CTTN: variants seen among roughly 807,000 people sequenced by gnomAD.
CTTN encodes the protein cortactin, also known as src substrate cortactin.
Under a neutral mutation model 84.0 loss-of-function variants are expected in CTTN, and 28 were observed. The observed-to-expected ratio is 0.33, with a 90% CI of 0.25 to 0.46. The LOEUF is 0.46. Ranked by LOEUF, CTTN falls within the 20% of genes least tolerant of loss-of-function variation. CTTN has a pLI of 1.00. For synonymous variants in CTTN, 301 were observed against 288.8 expected (o/e 1.04, Z -0.43); for missense variants, 641 against 723.8 (o/e 0.89, Z 1.31).
intron 13 of CTTN, among the ~76,000 whole-genome samples, chr11:70,426,760 T>G (rs1003857381): frequency 2.6e-5 from 4 of 151,660 alleles, no homozygotes; most frequent in Non-Finnish European, 2.9e-5. Context: ...GGCTAATTTT[T>G]TTGTTGTTGT....
intron 6 of CTTN, 144 bp from the exon 7 acceptor site, chr11:70,415,519 C>G: frequency 1.3e-6 from 1 of 782,444 alleles, no homozygotes; most frequent in South Asian, 1.6e-5. Flanking sequence ...TCACTGCCAC[C>G]TGCACCTGGC....
Position 70,435,534 on chromosome 11 carries a change from C to CA in CTTN, c.*373dup, listed in dbSNP as rs779635477. ...CCCATCAAGTGCAGTCGGGACCTCC[C>CA]AGGACAAGCACGAGGCCTCAGGTCG... On this transcript the variant is annotated 3_prime_UTR_variant, in exon 18 of 18. Coordinates refer to ENST00000301843, the MANE Select transcript of CTTN (RefSeq NM_005231.4). 9 of 1,565,770 alleles carry CA rather than the reference C, an allele frequency of 5.7e-6. No individual in the cohort carries two copies. In the Admixed American group the frequency reaches 1.6e-4, roughly 29 times the overall value.
At chr11:70,417,935 T>A (rs2058183023) in intron 8 of CTTN, among the ~76,000 whole-genome samples, 1 of 152,214 alleles carries the variant, frequency 6.6e-6, no homozygotes, top group Non-Finnish European at 1.5e-5. Context: ...CAAGTTGTCC[T>A]TGGAGGCTGT....
At position 70,407,526 on chromosome 11, in the gene CTTN, G is replaced by A; in HGVS notation, c.96G>A (p.Val32=). Residue 32 remains valine, a synonymous_variant, in exon 4 of 18, where the codon GTG becomes GTA. Transcript: ENST00000301843. ...GTCGCTTTTCTTTTCAGAATGATGT[G>A]AGTGAGAAGGAGCAAAGATGGGGTG... ...WETDPDFVND[V]SEKEQRWGAK... 1 of 1,613,338 alleles carries A rather than the reference G, an allele frequency of 6.2e-7. No individual in the cohort carries two copies. The highest frequency in any genetic ancestry group is 8.5e-7 in the Non-Finnish European group (1 of 1,179,608).
At position 70,429,148 on chromosome 11, in the gene CTTN, G is replaced by C. The variant is rs1436952623; in HGVS notation, c.1125G>C (p.Gln375His). Residue 375 changes from glutamine to histidine, a missense_variant, in exon 14 of 18, where the codon CAG becomes CAC. Gln to His is a conservative substitution (Grantham distance 24). Transcript: ENST00000301843. The part of the protein sequence containing the change: ...DRRKAEAERA[Q>H]RMAKERQEQE... Reference sequence around the variant, plus strand: ...GGAAGGCGGAGGCGGAGAGAGCCCAGCGGATGGCCAAGGAGCGGCAGGAGC... The same window carrying C: ...GGAAGGCGGAGGCGGAGAGAGCCCACCGGATGGCCAAGGAGCGGCAGGAGC... 2.5e-6 allele frequency: 4 copies of C among 1,614,042 alleles called. No homozygotes were observed. Among genetic ancestry groups the C allele is most frequent in the Non-Finnish European group, 3.4e-6 (4 of 1,180,038 alleles).
chr11:70,410,221 G>GA, intron 5 of CTTN: 1 of 397,436 alleles, frequency 2.5e-6, no homozygotes, highest in Non-Finnish European at 4.6e-6. Flanking sequence ...TTGGCCCTCA[G>GA]AGGCAGCCTT....
At chr11:70,407,264 A>C (rs548422733) in intron 2 of CTTN, 34 bp from the exon 3 acceptor site, 7 of 1,539,354 alleles carry the variant, frequency 4.5e-6, no homozygotes, top group Non-Finnish European at 6.2e-6. Context: ...TGGCGCCCTG[A>C]GGCCTCCGTA....
intron 11 of CTTN, chr11:70,422,384 T>A (rs1312667511): frequency 1.5e-6 from 1 of 654,506 alleles, no homozygotes; most frequent in Non-Finnish European, 2.4e-6. Flanking sequence ...TGCATGGAGA[T>A]GGCAGTGGCT....
intron 1 of CTTN, among the ~76,000 whole-genome samples, chr11:70,398,996 G>A (rs1370704878): frequency 7.3e-5 from 11 of 150,822 alleles, no homozygotes; most frequent in Non-Finnish European, 1.3e-4. Flanking sequence ...GGCTGGGAGG[G>A]GTCTTGGGTC....
intron 3 of CTTN, 64 bp from the exon 4 acceptor site, chr11:70,407,453 TG>T: frequency 3.1e-6 from 5 of 1,612,292 alleles, no homozygotes; most frequent in Non-Finnish European, 4.2e-6. Flanking sequence ...TTTTCTTTGA[TG>T]GGGTGGTGGT....
At chr11:70,431,410 C>CCCCTCTCCGGGCGTGGAAT in intron 15 of CTTN, 130 bp downstream of exon 15, 2 of 964,100 alleles carry the variant, frequency 2.1e-6, no homozygotes, top group Non-Finnish European at 3.2e-6. Flanking sequence ...CTGCATTCCA[C>CCCCTCTCCGGGCGTGGAAT]GCCCGGAGAG....
chr11:70,435,425 T>TTTTTTTTTTTTTTTTTTTTTA lies in CTTN; in HGVS notation c.*272_*273insTTTTTTTTTTTATTTTTTTTT. ...GGTAATTGGTTTTATGCATTGATGG[T>TTTTTTTTTTTTTTTTTTTTTA]TTTTTTTTTCTTTTTTGCCAAATTG... On this transcript the variant is annotated 3_prime_UTR_variant, in exon 18 of 18. Coordinates refer to ENST00000301843, the MANE Select transcript of CTTN (RefSeq NM_005231.4). The TTTTTTTTTTTTTTTTTTTTTA allele has an allele frequency of 6.8e-7, 1 of 1,459,966 alleles. No individual in the cohort carries two copies. The highest frequency in any genetic ancestry group is 9.1e-7 in the Non-Finnish European group (1 of 1,102,746). The allele number at this position is 1,459,966 out of a possible 1,614,324, so 90.4% of individuals were successfully genotyped here. A position where few individuals can be genotyped will look rare whatever the true frequency, so the allele number is the denominator to read the frequency against.
At chr11:70,414,214 G>A (rs962102760) in intron 5 of CTTN, among the ~76,000 whole-genome samples, 3 of 152,084 alleles carry the variant, frequency 2.0e-5, no homozygotes, top group South Asian at 2.1e-4. Context: ...GCATGGTGGC[G>A]GGTGCCTATA....
intron 6 of CTTN, 127 bp from the exon 7 acceptor site, chr11:70,415,536 A>G: frequency 1.1e-6 from 1 of 883,634 alleles, no homozygotes; most frequent in South Asian, 1.4e-5. Context: ...TGGCTTAGGA[A>G]CCCAGAGGTC....
At position 70,417,114 on chromosome 11, in the gene CTTN, TCA is replaced by T; in HGVS notation, c.562_563del (p.Gln188GlufsTer20). The stretch of plus-strand genomic sequence containing the variant: ...CCAGGGCAAGACGGAGAAGCACGAG[TCA>T]CAGAGAGGTGGGGCGGACCCCACGG... ...DYQGKTEKHE[S>X]QRDYSKGFGG... On this transcript the variant is annotated frameshift_variant, in exon 8 of 18. Transcript: ENST00000301843. LOFTEE classifies it high-confidence loss of function. 6.2e-7 allele frequency: 1 copy of T among 1,613,942 alleles called. No homozygotes were observed.
At chr11:70,421,207 C>T (rs113031183) in intron 10 of CTTN, among the ~76,000 whole-genome samples, 21 of 152,202 alleles carry the variant, frequency 1.4e-4, no homozygotes, top group African/African-American at 5.1e-4. Context: ...CCGGGAGTGC[C>T]TTTACTGAAT....
chr11:70,417,212 A>AT, intron 8 of CTTN, 89 bp downstream of exon 8: 3 of 992,866 alleles, frequency 3.0e-6, no homozygotes, highest in African/African-American at 1.6e-5. Flanking sequence ...ATTGTTGTAG[A>AT]TTTTTTAACT....
Position 70,409,897 on chromosome 11 carries a change from A to G in CTTN, c.228A>G (p.Thr76=), listed in dbSNP as rs774106088. Residue 76 remains threonine (T), a synonymous_variant, in exon 5 of 18, where the codon ACA becomes ACG. Transcript: ENST00000301843. The part of the protein sequence containing the change: ...HQTLKEKELE[T]GPKASHGYGG... ...CCCTTAAGGAGAAGGAACTTGAAAC[A>G]GGACCAAAAGCTTCCCATGGCTATG... The G allele has an allele frequency of 1.2e-6, 2 of 1,614,140 alleles. No homozygotes were observed. Among genetic ancestry groups the G allele is most frequent in the South Asian group, 1.1e-5 (1 of 91,090 alleles).
chr11:70,418,278 C>G (rs1026965918), intron 8 of CTTN, among the ~76,000 whole-genome samples: 2 of 152,252 alleles, frequency 1.3e-5, no homozygotes, highest in African/African-American at 4.8e-5. Context: ...GCCGGTCAGG[C>G]CTTGCCTGCC....
Sources: gnomAD v4.1 joint callset for allele counts (sites outside exome capture counted in the v4.1 genomes callset) on GRCh38, gnomAD v4.1.1 for gene constraint, MANE v1.5 for transcripts, NCBI Gene and HGNC (gene_info 2026-07-23, HGNC 2026-07-21) for gene names.